MS4A6A: variants seen among roughly 807,000 people sequenced by gnomAD.
MS4A6A encodes the protein membrane-spanning 4-domains subfamily A member 6A.
Under a neutral mutation model 20.6 loss-of-function variants are expected in MS4A6A, and 19 were observed. That is an observed-to-expected ratio of 0.92 (90% CI 0.64 to 1.36). The LOEUF (loss-of-function observed/expected upper bound fraction) is 1.36, where lower values mean the gene tolerates loss of function less well. Among genes scored for constraint, MS4A6A ranks in the 40% most tolerant of loss-of-function variants. The pLI, the probability that MS4A6A is intolerant of heterozygous loss-of-function variation, is 0.00. For missense variants in MS4A6A, 272 were observed against 261.1 expected (o/e 1.04, Z -0.29); for synonymous variants, 108 against 105.0 (o/e 1.03, Z -0.17).
intron 2 of MS4A6A, chr11:60,180,674 G>A (rs942879231): frequency 5.7e-6 from 1 of 174,094 alleles, no homozygotes; most frequent in African/African-American, 2.4e-5. Flanking sequence ...AGGCCTCAGT[G>A]TGCATTGTTC....
At chr11:60,172,175 C>T (rs2134750917), downstream of MS4A6A, 1 of 1,612,506 alleles carries the variant, frequency 6.2e-7, no homozygotes, top group Non-Finnish European at 8.5e-7. Flanking sequence ...GTCAATAGTT[C>T]TTCATATCCA....
At position 60,175,612 on chromosome 11, in the gene MS4A6A, C is replaced by G. The variant is rs762471480; in HGVS notation, c.340-1G>C. The G allele has an allele frequency of 6.2e-7, 1 of 1,612,908 alleles. No individual in the cohort carries two copies. Among genetic ancestry groups the G allele is most frequent in the Non-Finnish European group, 8.5e-7 (1 of 1,179,876 alleles). Reference sequence around the variant, plus strand: ...TGCTTCCAACCAGGCTGCTATGCACCTGAAAGAGAAATGTTGGGTAAGGAT... The same window carrying G: ...TGCTTCCAACCAGGCTGCTATGCACGTGAAAGAGAAATGTTGGGTAAGGAT... On this transcript the variant is annotated splice_acceptor_variant, in intron 4 of 5. Transcript: ENST00000528851. LOFTEE classifies it high-confidence loss of function.
chr11:60,183,986 A>G (rs2083856649), upstream of MS4A6A: 1 of 152,236 alleles, frequency 6.6e-6, no homozygotes, highest in East Asian at 1.9e-4. Context: ...AACCAGAGCC[A>G]GTCAGGGCAA....
chr11:60,181,532 C>A, intron 2 of MS4A6A, 49 bp downstream of exon 2: 2 of 1,606,900 alleles, frequency 1.2e-6, no homozygotes, highest in Non-Finnish European at 1.7e-6. Context: ...TATATCATCT[C>A]TTGGCACTTC....
At position 60,181,602 on chromosome 11, in the gene MS4A6A, G is replaced by C. The variant is rs113133013; in HGVS notation, c.126C>G (p.His42Gln). 1.2e-6 allele frequency: 2 copies of C among 1,613,922 alleles called. No homozygotes were observed. The highest frequency in any genetic ancestry group is 1.7e-5 in the Admixed American group (1 of 59,982). ...QGQDSLKKHL[H>Q]AEIKVIGTIQ... is the part of the protein sequence containing the mutation. ...TTACCCCAATAACTTTGATTTCTGCGTGTAGATGTTTCTTCAGGCTATCCT... is the reference window on the plus strand; with the variant it reads ...TTACCCCAATAACTTTGATTTCTGCCTGTAGATGTTTCTTCAGGCTATCCT... Residue 42 changes from histidine (H) to glutamine (Q), a missense_variant, in exon 2 of 6, where the codon CAC becomes CAG. His to Gln is a conservative substitution (Grantham distance 24, BLOSUM62 0). Coordinates refer to ENST00000528851, the MANE Select transcript of MS4A6A (RefSeq NM_022349.4).
upstream of MS4A6A, chr11:60,183,097 T>TA (rs1474952106): frequency 1.1e-5 from 17 of 1,522,538 alleles, no homozygotes; most frequent in Non-Finnish European, 1.5e-5. Context: ...AGCCCTTCCT[T>TA]ATTCCAGTGT....
chr11:60,182,070 A>G (rs1220860655), intron 1 of MS4A6A, among the ~76,000 whole-genome samples: 1 of 152,188 alleles, frequency 6.6e-6, no homozygotes, highest in Non-Finnish European at 1.5e-5. Context: ...ACTGACAACA[A>G]CTGTATTGCC....
intron 4 of MS4A6A, among the ~76,000 whole-genome samples, chr11:60,177,591 C>T (rs957636304): frequency 2.6e-5 from 4 of 151,700 alleles, no homozygotes; most frequent in Non-Finnish European, 5.9e-5. Flanking sequence ...TTTTTGTTAG[C>T]CAATACAAAT....
At chr11:60,174,034 C>T (rs146052998) in intron 5 of MS4A6A, among the ~76,000 whole-genome samples, 5 of 152,368 alleles carry the variant, frequency 3.3e-5, no homozygotes, top group Admixed American at 2.6e-4. Context: ...ATCGTCCCAT[C>T]ATGAATTTAT....
rs1465468733 is a variant in MS4A6A, at chr11:60,178,240, G to C, written c.339+20C>G. 2 of 1,602,406 alleles carry C rather than the reference G, an allele frequency of 1.2e-6. No homozygotes were observed. The highest frequency in any genetic ancestry group is 1.7e-5 in the Admixed American group (1 of 59,960). ...TTTATTTTGATCCATTGGGTTGTGG[G>C]TTATAGCTCTCTTACTCACCAAAAG... On this transcript the variant is annotated intron_variant, in intron 4 of 5. Coordinates refer to ENST00000528851, the MANE Select transcript of MS4A6A (RefSeq NM_022349.4).
chr11:60,175,420 TGTATAGCA>T lies in MS4A6A; in HGVS notation c.523_530del (p.Cys175SerfsTer37). 6.2e-7 allele frequency: 1 copy of T among 1,613,958 alleles called. No homozygotes were observed. Among genetic ancestry groups the T allele is most frequent in the Non-Finnish European group, 8.5e-7 (1 of 1,179,852 alleles). On this transcript the variant is annotated frameshift_variant, in exon 5 of 6. Transcript: ENST00000528851. LOFTEE classifies it high-confidence loss of function. The stretch of plus-strand genomic sequence containing the variant: ...TACTTACAGCCAGACTGGCTTTGGC[TGTATAGCA>T]GTCCGTGGTATAAAGTGAATCATGA...
chr11:60,172,150 CT>C, downstream of MS4A6A: 1 of 1,606,060 alleles, frequency 6.2e-7, no homozygotes. Context: ...ATATTTCTCC[CT>C]TTTTTCTTAA....
intron 1 of MS4A6A, 106 bp from the exon 2 acceptor site, chr11:60,181,847 T>C (rs2134813699): frequency 9.1e-7 from 1 of 1,102,940 alleles, no homozygotes; most frequent in South Asian, 1.5e-5. Flanking sequence ...GCTTGGCCTG[T>C]CCATTAGAGA....
chr11:60,172,319 C>A, downstream of MS4A6A: 3 of 1,581,080 alleles, frequency 1.9e-6, no homozygotes, highest in South Asian at 3.5e-5. Flanking sequence ...GTATATATGC[C>A]ATTTTTCCAA....
rs1197496974 is a variant in MS4A6A at position 60,175,475 on chromosome 11, C to A, written c.476G>T (p.Arg159Ile). The A allele has an allele frequency of 1.2e-6, 2 of 1,614,166 alleles. No homozygotes were observed. The highest frequency in any genetic ancestry group is 2.2e-5 in the East Asian group (1 of 44,886). Reference sequence around the variant, plus strand: ...ATGATAAAAGTAAGAAACATAACTTCTTGTTGGTATATTATTTTTGTCCAA... The same window carrying A: ...ATGATAAAAGTAAGAAACATAACTTATTGTTGGTATATTATTTTTGTCCAA... ...CELDKNNIPT[R>I]SYVSYFYHDS... Residue 159 changes from arginine (R) to isoleucine (I), a missense_variant, in exon 5 of 6, where the codon AGA becomes ATA. Arg to Ile is a moderately conservative substitution (Grantham distance 97). Transcript: ENST00000528851.
At chr11:60,179,578 G>A (rs1015018794) in intron 3 of MS4A6A, 4 of 593,178 alleles carry the variant, frequency 6.7e-6, no homozygotes, top group Non-Finnish European at 1.2e-5. Flanking sequence ...GAAGTCACTA[G>A]CTTCATCATA....
chr11:60,174,466 C>T (rs980845623), intron 5 of MS4A6A, among the ~76,000 whole-genome samples: 4 of 151,992 alleles, frequency 2.6e-5, no homozygotes, highest in South Asian at 2.1e-4. Context: ...GCTGGGATTA[C>T]GGCTGCCCGC....
intron 2 of MS4A6A, 183 bp from the exon 3 acceptor site, chr11:60,180,148 C>A: frequency 1.6e-6 from 1 of 621,496 alleles, no homozygotes; most frequent in Non-Finnish European, 2.8e-6. Context: ...GCAGCTCTGC[C>A]ACAGAAGCCA....
At chr11:60,172,029 G>T, downstream of MS4A6A, 1 of 872,366 alleles carries the variant, frequency 1.1e-6, no homozygotes. Flanking sequence ...GTGAAATAAT[G>T]GTTTTTTTTA....
Sources: gnomAD v4.1 joint callset for allele counts (sites outside exome capture counted in the v4.1 genomes callset) on GRCh38, gnomAD v4.1.1 for gene constraint, MANE v1.5 for transcripts, NCBI Gene and HGNC (gene_info 2026-07-23, HGNC 2026-07-21) for gene names.